The following EPCIP variants were observed in gnomAD, a reference collection of about 807,000 sequenced individuals.
EPCIP encodes the protein exosomal polycystin-1-interacting protein.
the EPCIP span, among the ~76,000 whole-genome samples, chr21:32,809,279 C>CCTTTCTTTCTTTCTTTCTTTCTTT: frequency 3.8e-5 from 3 of 79,968 alleles, no homozygotes; most frequent in Non-Finnish European, 5.0e-5. Context: ...CTCCCTCCTT[C>CCTTTCTTTCTTTCTTTCTTTCTTT]CTTTCTTTCT....
chr21:32,809,450 G>A, the EPCIP span, among the ~76,000 whole-genome samples: 6 of 150,312 alleles, frequency 4.0e-5, no homozygotes, highest in Non-Finnish European at 7.4e-5. Context: ...GTGGCTCACT[G>A]TCACCTTGAA....
chr21:32,809,271 C>T, the EPCIP span, among the ~76,000 whole-genome samples: 2 of 80,020 alleles, frequency 2.5e-5, no homozygotes, highest in African/African-American at 8.5e-5. Flanking sequence ...TTTCTTCCCT[C>T]CCTCCTTCCT....
At chr21:32,809,178 G>GGTGGGT in the EPCIP span, among the ~76,000 whole-genome samples, 1 of 69,724 alleles carries the variant, frequency 1.4e-5, no homozygotes, top group African/African-American at 4.6e-5. Flanking sequence ...AGCCTCGAGG[G>GGTGGGT]GTGCGTGTGT....
the EPCIP span, among the ~76,000 whole-genome samples, chr21:32,803,637 A>AGTT: frequency 9.9e-5 from 15 of 151,976 alleles, no homozygotes; most frequent in African/African-American, 2.9e-4. Context: ...ACACTATGTA[A>AGTT]GATATTTGAA....
chr21:32,792,025 C>T, the EPCIP span, among the ~76,000 whole-genome samples: 1 of 152,090 alleles, frequency 6.6e-6, no homozygotes, highest in East Asian at 1.9e-4. Flanking sequence ...CTGCCTCAGC[C>T]TCCTGAGTAG....
the EPCIP span, among the ~76,000 whole-genome samples, chr21:32,804,555 A>C: frequency 0.73 from 110,556 of 151,640 alleles, 40,888 homozygotes; most frequent in East Asian, 0.91. Flanking sequence ...TATCAGAGTC[A>C]TAGTGATAAC....
chr21:32,804,145 C>T, the EPCIP span, among the ~76,000 whole-genome samples: 1 of 152,060 alleles, frequency 6.6e-6, no homozygotes, highest in Non-Finnish European at 1.5e-5. Context: ...ATTTTTGTGA[C>T]TGTTCATGTT....
At chr21:32,800,803 C>CA in the EPCIP span, among the ~76,000 whole-genome samples, 1 of 11,084 alleles carries the variant, frequency 9.0e-5, no homozygotes, top group East Asian at 0.01. Context: ...GACTCTGTCT[C>CA]AAAAAAACAA....
chr21:32,794,537 T>G, the EPCIP span: 1 of 1,002,076 alleles, frequency 1.0e-6, no homozygotes, highest in Non-Finnish European at 1.5e-6. Flanking sequence ...AATACACAGC[T>G]TATGGAAAAG....
At chr21:32,801,100 G>A in the EPCIP span, among the ~76,000 whole-genome samples, 37 of 152,222 alleles carry the variant, frequency 2.4e-4, no homozygotes, top group Middle Eastern at 6.8e-3. Flanking sequence ...AGGAACCGAC[G>A]GCCCTAGAAG....
the EPCIP span, among the ~76,000 whole-genome samples, chr21:32,809,003 C>A: frequency 6.6e-6 from 1 of 151,948 alleles, no homozygotes; most frequent in Non-Finnish European, 1.5e-5. Flanking sequence ...AGGCACAACT[C>A]CAAATGAATT....
At chr21:32,804,626 A>C in the EPCIP span, among the ~76,000 whole-genome samples, 1 of 152,034 alleles carries the variant, frequency 6.6e-6, no homozygotes, top group South Asian at 2.1e-4. Context: ...ATCTAAAGTA[A>C]CTGGTTCATT....
the EPCIP span, among the ~76,000 whole-genome samples, chr21:32,795,180 T>C: frequency 1.3e-5 from 2 of 152,194 alleles, no homozygotes; most frequent in African/African-American, 4.8e-5. Flanking sequence ...CACCCACCGA[T>C]TAATCACAAT....
chr21:32,802,728 G>A, the EPCIP span, among the ~76,000 whole-genome samples: 5 of 152,194 alleles, frequency 3.3e-5, no homozygotes, highest in African/African-American at 1.2e-4. Flanking sequence ...GCATGAGTCA[G>A]GATACCTGCT....
chr21:32,794,043 T>C, the EPCIP span: 1 of 1,614,216 alleles, frequency 6.2e-7, no homozygotes, highest in East Asian at 2.2e-5. Context: ...TCCATGTTGA[T>C]GCGCAGCCTC....
At chr21:32,800,247 C>G in the EPCIP span, among the ~76,000 whole-genome samples, 42 of 152,224 alleles carry the variant, frequency 2.8e-4, no homozygotes, top group African/African-American at 9.9e-4. Flanking sequence ...CTTTTGAAGC[C>G]AAGTATAAAC....
chr21:32,804,440 C>A, the EPCIP span, among the ~76,000 whole-genome samples: 1 of 151,768 alleles, frequency 6.6e-6, no homozygotes, highest in East Asian at 1.9e-4. Flanking sequence ...GCCACCACAC[C>A]CAGCCTGAAT....
the EPCIP span, chr21:32,797,995 G>A: frequency 6.6e-6 from 1 of 152,162 alleles, no homozygotes; most frequent in African/African-American, 2.4e-5. Flanking sequence ...TATCAGCTGA[G>A]CAACCTCTCA....
the EPCIP span, among the ~76,000 whole-genome samples, chr21:32,800,614 G>C: frequency 0.73 from 110,735 of 152,056 alleles, 40,928 homozygotes; most frequent in East Asian, 0.91. Flanking sequence ...TCAGGAGTTC[G>C]AGACCAGCCT....
Sources: allele counts gnomAD v4.1 joint callset (sites outside exome capture counted in the v4.1 genomes callset), GRCh38; gene constraint gnomAD v4.1.1; transcripts MANE v1.5; gene names NCBI Gene and HGNC (gene_info 2026-07-23, HGNC 2026-07-21).